MTHFD1: variants seen among roughly 807,000 people sequenced by gnomAD.
MTHFD1 encodes the protein methylenetetrahydrofolate dehydrogenase, cyclohydrolase and formyltetrahydrofolate synthetase 1.
MTHFD1 carries 44 observed loss-of-function variants against 110.3 expected under a neutral mutation model. The observed-to-expected ratio is 0.40, with a 90% CI of 0.31 to 0.51. MTHFD1 has a LOEUF of 0.51. MTHFD1 is among the 20% of genes least tolerant of loss of function. The probability of loss-of-function intolerance (pLI) is 0.60; values close to 1 mark genes in which losing one functional copy is unlikely to be tolerated. For synonymous variants in MTHFD1, 402 were observed against 428.8 expected, an observed-to-expected ratio of 0.94 and a Z score of 0.77; for missense variants, 909 against 1,173.1, an observed-to-expected ratio of 0.77 and a Z score of 3.29.
At chr14:64,399,265 TAA>T (rs1452878994) in intron 1 of MTHFD1, among the ~76,000 whole-genome samples, 1 of 152,244 alleles carries the variant, frequency 6.6e-6, no homozygotes, top group Non-Finnish European at 1.5e-5. Flanking sequence ...AGTGTTGGTC[TAA>T]GTTTTCATTT....
At chr14:64,458,863 G>A (rs1169179283) in intron 27 of MTHFD1, among the ~76,000 whole-genome samples, 1 of 152,198 alleles carries the variant, frequency 6.6e-6, no homozygotes, top group Non-Finnish European at 1.5e-5. Context: ...AACAGGACGT[G>A]TCTCTCCTTA....
intron 24 of MTHFD1, among the ~76,000 whole-genome samples, 185 bp from the exon 25 acceptor site, chr14:64,453,569 C>T (rs2078413998): frequency 6.6e-6 from 1 of 151,794 alleles, no homozygotes; most frequent in Non-Finnish European, 1.5e-5. Context: ...AACTCCGTCT[C>T]AAAAAAACAA....
At chr14:64,418,728 G>C (rs2078046216) in intron 7 of MTHFD1, among the ~76,000 whole-genome samples, 2 of 140,570 alleles carry the variant, frequency 1.4e-5, no homozygotes, top group African/African-American at 5.3e-5. Context: ...GGCTAATTTT[G>C]TATTTTTAGT....
At chr14:64,403,992 T>C (rs1435705520) in intron 2 of MTHFD1, among the ~76,000 whole-genome samples, 3 of 152,242 alleles carry the variant, frequency 2.0e-5, no homozygotes, top group Admixed American at 6.5e-5. Flanking sequence ...TTTGTGCTGG[T>C]TCACTAGTAG....
At chr14:64,443,113 A>AATAAGTT (rs2078261155) in intron 21 of MTHFD1, among the ~76,000 whole-genome samples, 1 of 152,210 alleles carries the variant, frequency 6.6e-6, no homozygotes, top group Admixed American at 6.5e-5. Flanking sequence ...TAACTTAGGA[A>AATAAGTT]ATAAGGACTC....
intron 3 of MTHFD1, 147 bp downstream of exon 3, chr14:64,411,296 T>C (rs1199888792): frequency 1.4e-6 from 1 of 701,652 alleles, no homozygotes; most frequent in Non-Finnish European, 2.6e-6. Flanking sequence ...CAGAAATGGG[T>C]GGGTTAGATC....
At chr14:64,444,531 T>G (rs1411926819) in intron 21 of MTHFD1, among the ~76,000 whole-genome samples, 162 bp from the exon 22 acceptor site, 2 of 152,156 alleles carry the variant, frequency 1.3e-5, no homozygotes, top group African/African-American at 4.8e-5. Context: ...CTGTGCTGTG[T>G]GATTGGTCAC....
At chr14:64,459,105 C>T (rs2078521900) in intron 27 of MTHFD1, among the ~76,000 whole-genome samples, 1 of 152,192 alleles carries the variant, frequency 6.6e-6, no homozygotes, top group Admixed American at 6.5e-5. Context: ...GGGAAGATGA[C>T]TTTCAACATG....
At position 64,431,855 on chromosome 14, in the gene MTHFD1, G is replaced by A; in HGVS notation, c.1488G>A (p.Arg496=). The change falls in exon 15 of 28, where the codon AGG becomes AGA. Residue 496 remains arginine, a synonymous_variant. Transcript: ENST00000652337. ...GGTTCTCTGACATCCAAATCCGAAGGTTAAAGGTAAGCTTTTTTTCTTCCA... is the reference window on the plus strand; with the variant it reads ...GGTTCTCTGACATCCAAATCCGAAGATTAAAGGTAAGCTTTTTTTCTTCCA... ...VRRFSDIQIR[R]LKRLGIEKTD... is the part of the protein sequence containing the mutation. The A allele has an allele frequency of 6.2e-7, 1 of 1,613,894 alleles. No homozygotes were observed. The highest frequency in any genetic ancestry group is 1.3e-5 in the African/African-American group (1 of 75,004).
intron 7 of MTHFD1, chr14:64,419,374 A>G (rs199727400): frequency 1.9e-3 from 18 of 9,498 alleles, no homozygotes; most frequent in South Asian, 6.9e-3. Flanking sequence ...AAGAATGCGC[A>G]CACACACACA....
intron 9 of MTHFD1, among the ~76,000 whole-genome samples, chr14:64,425,501 G>A (rs1397682137): frequency 2.6e-5 from 4 of 152,112 alleles, no homozygotes; most frequent in Admixed American, 6.5e-5. Flanking sequence ...GTGAGCCACC[G>A]TGCCCGGCCT....
intron 1 of MTHFD1, among the ~76,000 whole-genome samples, chr14:64,400,292 G>C (rs972119540): frequency 8.5e-5 from 13 of 152,136 alleles, no homozygotes; most frequent in African/African-American, 3.1e-4. Flanking sequence ...GGAGGCTGAG[G>C]CAGGAGAATC....
chr14:64,397,296 T>C (rs2077865593), intron 1 of MTHFD1, among the ~76,000 whole-genome samples: 2 of 147,094 alleles, frequency 1.4e-5, no homozygotes, highest in Admixed American at 1.4e-4. Context: ...TGTTATTTGT[T>C]TGTTTGTTTG....
At chr14:64,404,804 C>G (rs1014863292) in intron 2 of MTHFD1, among the ~76,000 whole-genome samples, 1 of 152,114 alleles carries the variant, frequency 6.6e-6, no homozygotes, top group Non-Finnish European at 1.5e-5. Flanking sequence ...GAACTCATCT[C>G]TACTCAAAAT....
intron 27 of MTHFD1, among the ~76,000 whole-genome samples, chr14:64,459,155 G>A (rs551285922): frequency 2.6e-5 from 4 of 152,292 alleles, no homozygotes; most frequent in South Asian, 2.1e-4. Flanking sequence ...ATTTTCAGAC[G>A]TGCAAGGGTT....
intron 2 of MTHFD1, among the ~76,000 whole-genome samples, chr14:64,404,699 G>A (rs2077923992): frequency 6.6e-6 from 1 of 152,020 alleles, no homozygotes; most frequent in Non-Finnish European, 1.5e-5. Flanking sequence ...GGCATGGTGC[G>A]GTGGCTCATG....
At chr14:64,445,350 G>A (rs192611197) in intron 22 of MTHFD1, among the ~76,000 whole-genome samples, 2 of 152,242 alleles carry the variant, frequency 1.3e-5, no homozygotes, top group East Asian at 3.9e-4. Context: ...TGTTTTTCTA[G>A]ACAAAGCTTC....
chr14:64,442,246 TG>T lies in MTHFD1; in HGVS notation c.1997-16del. The T allele has an allele frequency of 6.2e-7, 1 of 1,614,254 alleles. No individual in the cohort carries two copies. The highest frequency in any genetic ancestry group is 8.5e-7 in the Non-Finnish European group (1 of 1,180,032). Reference sequence around the variant, plus strand: ...GGAATTGGGATGGCATTTTTACTGTTGCTTTCCTCTTTACAGTGACGGAAGC... The same window carrying T: ...GGAATTGGGATGGCATTTTTACTGTTCTTTCCTCTTTACAGTGACGGAAGC... On this transcript the variant is annotated splice_polypyrimidine_tract_variant and intron_variant, in intron 20 of 27. Transcript: ENST00000652337.
chr14:64,410,493 A>G (rs2077975114), intron 2 of MTHFD1, among the ~76,000 whole-genome samples: 1 of 152,028 alleles, frequency 6.6e-6, no homozygotes, highest in Non-Finnish European at 1.5e-5. Flanking sequence ...CCCAAAGTGC[A>G]GGGATTATAG....
Sources: gnomAD v4.1 joint callset for allele counts (sites outside exome capture counted in the v4.1 genomes callset) on GRCh38, gnomAD v4.1.1 for gene constraint, MANE v1.5 for transcripts, NCBI Gene and HGNC (gene_info 2026-07-23, HGNC 2026-07-21) for gene names.